Variants in CNTNAP5 observed in about 807,000 individuals in gnomAD.
CNTNAP5 encodes contactin-associated protein-like 5.
A neutral mutation model predicts 150.2 loss-of-function variants in CNTNAP5; 72 were observed. The observed-to-expected ratio is 0.48, with a 90% CI of 0.40 to 0.58. The LOEUF is 0.58. Among genes scored for constraint, CNTNAP5 ranks in the 20% least tolerant of loss-of-function variants. The pLI, the probability that CNTNAP5 is intolerant of heterozygous loss-of-function variation, is 0.00. For synonymous variants in CNTNAP5, 672 were observed against 619.8 expected (o/e 1.08, Z -1.25); for missense variants, 1,636 against 1,626.2 (o/e 1.01, Z -0.10).
chr2:124,082,390 C>T (rs1158674604), intron 1 of CNTNAP5, among the ~76,000 whole-genome samples: 1 of 149,160 alleles, frequency 6.7e-6, no homozygotes, highest in Non-Finnish European at 1.5e-5. Flanking sequence ...ATACAGAATC[C>T]AACCTTTGAG....
At chr2:124,718,926 CAG>C (rs1477983789) in intron 13 of CNTNAP5, among the ~76,000 whole-genome samples, 1 of 146,430 alleles carries the variant, frequency 6.8e-6, no homozygotes, top group Non-Finnish European at 1.5e-5. Flanking sequence ...GCCTGGGCAA[CAG>C]AGCAAGACTC....
At chr2:124,491,453 G>GGAGAGAGA (rs3980966) in intron 7 of CNTNAP5, among the ~76,000 whole-genome samples, 4 of 150,526 alleles carry the variant, frequency 2.7e-5, no homozygotes, top group African/African-American at 7.3e-5. Flanking sequence ...ACACACATAT[G>GGAGAGAGA]GAGAGAGAGA....
chr2:124,874,104 T>A (rs1677806273), intron 21 of CNTNAP5, among the ~76,000 whole-genome samples: 1 of 152,068 alleles, frequency 6.6e-6, no homozygotes, highest in African/African-American at 2.4e-5. Context: ...CAGATTTAAT[T>A]GTGTACATTA....
intron 1 of CNTNAP5, among the ~76,000 whole-genome samples, chr2:124,084,465 T>G (rs1055210020): frequency 6.6e-6 from 1 of 151,950 alleles, no homozygotes; most frequent in African/African-American, 2.4e-5. Flanking sequence ...TGGGGTTTGT[T>G]TCATCATGTT....
intron 6 of CNTNAP5, among the ~76,000 whole-genome samples, chr2:124,458,877 T>C (rs59445370): frequency 0.16 from 23,626 of 152,176 alleles, 1,957 homozygotes; most frequent in Non-Finnish European, 0.19. Context: ...CTAAAATATT[T>C]TCAACTTATA....
intron 3 of CNTNAP5, among the ~76,000 whole-genome samples, chr2:124,354,002 C>A (rs1558863944): frequency 6.6e-6 from 1 of 151,924 alleles, no homozygotes; most frequent in African/African-American, 2.4e-5. Flanking sequence ...ACTTCCTGAG[C>A]AAAAATAATG....
intron 1 of CNTNAP5, among the ~76,000 whole-genome samples, chr2:124,151,175 A>T (rs1376915225): frequency 6.6e-6 from 1 of 152,154 alleles, no homozygotes; most frequent in African/African-American, 2.4e-5. Flanking sequence ...AGGGAGAAAC[A>T]GTCCATGATA....
At chr2:124,500,700 C>G (rs1274161548) in intron 7 of CNTNAP5, among the ~76,000 whole-genome samples, 2 of 152,086 alleles carry the variant, frequency 1.3e-5, no homozygotes, top group Non-Finnish European at 2.9e-5. Context: ...CCAGAAAAAA[C>G]AGACATTGTC....
chr2:124,355,269 T>C (rs1057010021), intron 3 of CNTNAP5, among the ~76,000 whole-genome samples: 1 of 152,182 alleles, frequency 6.6e-6, no homozygotes, highest in Non-Finnish European at 1.5e-5. Context: ...AAAAGTCTGC[T>C]TTTTTCATTT....
chr2:124,379,535 A>G (rs1573955181), intron 3 of CNTNAP5, among the ~76,000 whole-genome samples: 1 of 152,130 alleles, frequency 6.6e-6, no homozygotes, highest in South Asian at 2.1e-4. Context: ...TGGACATACC[A>G]CAGTTTATCT....
At chr2:124,340,149 G>T (rs1689575115) in intron 3 of CNTNAP5, among the ~76,000 whole-genome samples, 2 of 152,094 alleles carry the variant, frequency 1.3e-5, no homozygotes, top group African/African-American at 4.8e-5. Context: ...AGATTAGTCT[G>T]GGGAAGGGCT....
chr2:124,534,100 TG>T (rs1390832988), intron 10 of CNTNAP5, among the ~76,000 whole-genome samples: 3 of 152,084 alleles, frequency 2.0e-5, no homozygotes, highest in African/African-American at 7.2e-5. Flanking sequence ...CACTTATAAG[TG>T]GGAGCTAGAT....
Position 124,520,256 on chromosome 2 carries a change from T to G in CNTNAP5, c.1328-4047T>G, listed in dbSNP as rs188223113. Among the ~76,000 whole-genome samples the G allele has an allele frequency of 3.8e-3, 579 of 152,362 alleles. 2 individuals carry two copies. Among genetic ancestry groups the G allele is most frequent in the African/African-American group, 0.013 (550 of 41,588 alleles). On this transcript the variant is annotated intron_variant, in intron 8 of 23. Coordinates refer to ENST00000682447, the MANE Select transcript of CNTNAP5 (RefSeq NM_001367498.1). Reference sequence around the variant, plus strand: ...TAAACCATATTTGCTTTAGCTAGCCTGCTACTATGGGAAATATGGGTAGCA... The same window carrying G: ...TAAACCATATTTGCTTTAGCTAGCCGGCTACTATGGGAAATATGGGTAGCA...
intron 13 of CNTNAP5, among the ~76,000 whole-genome samples, chr2:124,666,361 C>CCTTATCT (rs1219635979): frequency 6.6e-6 from 1 of 152,130 alleles, no homozygotes; most frequent in African/African-American, 2.4e-5. Context: ...GGTCTGTTAA[C>CCTTATCT]CAGTACACTG....
chr2:124,187,067 C>T (rs7561523), intron 1 of CNTNAP5, among the ~76,000 whole-genome samples: 1 of 152,026 alleles, frequency 6.6e-6, no homozygotes, highest in Non-Finnish European at 1.5e-5. Context: ...AGATTGACCA[C>T]ATCTCCTGTG....
At chr2:124,391,898 G>A (rs61687857) in intron 3 of CNTNAP5, among the ~76,000 whole-genome samples, 15,764 of 152,130 alleles carry the variant, frequency 0.1, 1,181 homozygotes, top group African/African-American at 0.22. Context: ...GGAGCTTGCA[G>A]TGAGCCGAGA....
chr2:124,073,701 G>A (rs74330423), intron 1 of CNTNAP5, among the ~76,000 whole-genome samples: 2,111 of 152,168 alleles, frequency 0.014, 54 homozygotes, highest in African/African-American at 0.049. Context: ...ATGCTGGCAA[G>A]GATGTGGAGA....
At chr2:124,119,765 C>T (rs1683516776) in intron 1 of CNTNAP5, among the ~76,000 whole-genome samples, 1 of 152,076 alleles carries the variant, frequency 6.6e-6, no homozygotes, top group African/African-American at 2.4e-5. Flanking sequence ...ATAAGATAGA[C>T]TATGATATAA....
chr2:124,248,117 T>C (rs1687076259), intron 3 of CNTNAP5, among the ~76,000 whole-genome samples: 1 of 152,148 alleles, frequency 6.6e-6, no homozygotes, highest in African/African-American at 2.4e-5. Flanking sequence ...AAATAAAGTA[T>C]AGAGGGAAAT....
Sources: allele counts gnomAD v4.1 joint callset (sites outside exome capture counted in the v4.1 genomes callset), GRCh38; gene constraint gnomAD v4.1.1; transcripts MANE v1.5; gene names NCBI Gene and HGNC (gene_info 2026-07-23, HGNC 2026-07-21).